Variants in RARB observed in about 807,000 individuals in gnomAD.
The protein encoded by RARB is HBV-activated protein.
RARB carries 17 observed loss-of-function variants against 51.9 expected under a neutral mutation model. The ratio of observed to expected loss-of-function variants is 0.33; its 90% CI spans 0.22 to 0.49. The LOEUF (loss-of-function observed/expected upper bound fraction) is 0.49, where lower values mean the gene tolerates loss of function less well. Among genes scored for constraint, RARB ranks in the 20% least tolerant of loss-of-function variants. The probability of loss-of-function intolerance (pLI) is 0.99; values close to 1 mark genes in which losing one functional copy is unlikely to be tolerated. For synonymous variants in RARB, 215 were observed against 195.4 expected (o/e 1.10, Z -0.84); for missense variants, 369 against 550.8 (o/e 0.67, Z 3.30).
intron 5 of RARB, among the ~76,000 whole-genome samples, chr3:25,397,261 AT>A (rs1446710160): frequency 1.3e-5 from 2 of 151,960 alleles, no homozygotes; most frequent in African/African-American, 4.8e-5. Context: ...GGCTCTCTAA[AT>A]TTGTTTGACT....
At chr3:25,427,837 CAGAA>C (rs765848140), upstream of RARB, among the ~76,000 whole-genome samples, 16 of 152,176 alleles carry the variant, frequency 1.1e-4, no homozygotes, top group South Asian at 4.2e-4. Flanking sequence ...ATTTAACAGA[CAGAA>C]AGGCGCACAG....
chr3:25,315,375 C>T (rs771031528), intron 5 of RARB, among the ~76,000 whole-genome samples: 52 of 152,126 alleles, frequency 3.4e-4, no homozygotes, highest in Non-Finnish European at 6.2e-4. Flanking sequence ...AAATACTATA[C>T]TTTTTCGAAT....
rs867589260 is a variant in RARB at position 24,925,654 on chromosome 3, T to A, written c.-380+66902T>A. ...GAGCCAGATCCTGTCTTTTTTTTTT[T>A]TAAAAAAAAAAAAAAAAAAGCTTAT... On this transcript the variant is annotated intron_variant, in intron 2 of 11. Transcript: ENST00000383772. 6.5e-3 allele frequency among the ~76,000 whole-genome samples: 815 copies of A among 126,098 alleles called. 5 individuals carry two copies. Among genetic ancestry groups the A allele is most frequent in the African/African-American group, 0.025 (673 of 27,390 alleles). 82.7% of individuals were successfully genotyped at this position (126,098 alleles called of 152,430 possible).
intron 5 of RARB, among the ~76,000 whole-genome samples, chr3:25,378,897 T>C (rs1399765462): frequency 6.6e-6 from 1 of 152,146 alleles, no homozygotes; most frequent in East Asian, 1.9e-4. Flanking sequence ...AACCTGCACA[T>C]AATATCAGAC....
intron 2 of RARB, among the ~76,000 whole-genome samples, chr3:25,009,591 C>T (rs576077822): frequency 6.6e-6 from 1 of 152,124 alleles, no homozygotes; most frequent in African/African-American, 2.4e-5. Context: ...ACAGGGAGTC[C>T]TCATTCATGC....
chr3:25,493,647 G>A (rs1206838832), intron 2 of RARB, among the ~76,000 whole-genome samples: 1 of 152,190 alleles, frequency 6.6e-6, no homozygotes, highest in African/African-American at 2.4e-5. Flanking sequence ...GCTCTAGAAG[G>A]AGAAATTATC....
At chr3:24,935,459 C>G (rs1695529883) in intron 2 of RARB, among the ~76,000 whole-genome samples, 1 of 152,022 alleles carries the variant, frequency 6.6e-6, no homozygotes, top group African/African-American at 2.4e-5. Flanking sequence ...TGTGTCTGAG[C>G]CTTCTTTTGT....
upstream of RARB, among the ~76,000 whole-genome samples, chr3:25,423,857 G>C (rs1057363021): frequency 2.6e-5 from 4 of 152,222 alleles, no homozygotes; most frequent in African/African-American, 9.6e-5. Flanking sequence ...CTAAGAGATG[G>C]TTCGCAGCTC....
intron 2 of RARB, among the ~76,000 whole-genome samples, chr3:24,989,774 C>CTTTGTTTTTTTTTTTTT (rs1696870156): frequency 3.4e-5 from 1 of 29,528 alleles, no homozygotes; most frequent in Non-Finnish European, 6.2e-5. Flanking sequence ...ATATGTTTTT[C>CTTTGTTTTTTTTTTTTT]TTTTTTTTTT....
chr3:24,907,206 G>A (rs1246892570), intron 2 of RARB, among the ~76,000 whole-genome samples: 2 of 152,166 alleles, frequency 1.3e-5, no homozygotes, highest in African/African-American at 2.4e-5. Context: ...GGCTGGAGTG[G>A]TAGTTATCAA....
chr3:25,147,517 T>C (rs565229161), intron 4 of RARB, among the ~76,000 whole-genome samples: 26 of 152,224 alleles, frequency 1.7e-4, no homozygotes, highest in African/African-American at 6.3e-4. Context: ...AAGTGTTATA[T>C]CTCATTTTCA....
At chr3:25,273,676 A>G (rs118046543) in intron 5 of RARB, among the ~76,000 whole-genome samples, 2,589 of 152,334 alleles carry the variant, frequency 0.017, 93 homozygotes, top group South Asian at 0.15. Context: ...TGCATGTTTC[A>G]TCACCAAAAC....
At chr3:25,356,163 A>T (rs1705728292) in intron 5 of RARB, among the ~76,000 whole-genome samples, 1 of 152,138 alleles carries the variant, frequency 6.6e-6, no homozygotes, top group African/African-American at 2.4e-5. Context: ...TTTGACAGAG[A>T]CATTCTGAAT....
chr3:25,466,520 A>G (rs572005592), intron 2 of RARB, among the ~76,000 whole-genome samples: 5 of 152,330 alleles, frequency 3.3e-5, no homozygotes, highest in African/African-American at 7.2e-5. Flanking sequence ...TCATTAAGTT[A>G]TTATAATGAC....
chr3:24,893,548 G>T (rs140491388), intron 2 of RARB, among the ~76,000 whole-genome samples: 99 of 152,240 alleles, frequency 6.5e-4, no homozygotes, highest in Non-Finnish European at 1.2e-3. Context: ...TAAAGACAGG[G>T]TCTTGCTTTG....
chr3:24,873,658 T>C (rs1048348400), intron 2 of RARB, among the ~76,000 whole-genome samples: 7 of 151,712 alleles, frequency 4.6e-5, no homozygotes, highest in African/African-American at 1.7e-4. Flanking sequence ...TATTTATCAG[T>C]CTTCCCTTTT....
At chr3:25,291,930 C>T (rs1703797736) in intron 5 of RARB, among the ~76,000 whole-genome samples, 1 of 152,084 alleles carries the variant, frequency 6.6e-6, no homozygotes, top group South Asian at 2.1e-4. Flanking sequence ...TAACCCAGGA[C>T]TTTAACTTTC....
At chr3:25,427,040 C>G (rs1322081254), upstream of RARB, among the ~76,000 whole-genome samples, 1 of 152,140 alleles carries the variant, frequency 6.6e-6, no homozygotes, top group Non-Finnish European at 1.5e-5. Context: ...CATACTTAAA[C>G]CAGTTTACAA....
At chr3:24,863,966 A>G (rs1025573937) in intron 2 of RARB, among the ~76,000 whole-genome samples, 1 of 152,056 alleles carries the variant, frequency 6.6e-6, no homozygotes, top group Middle Eastern at 3.2e-3. Flanking sequence ...CCCTATCTCA[A>G]TGTCCTGCCA....
Sources: gnomAD v4.1 joint callset for allele counts (sites outside exome capture counted in the v4.1 genomes callset) on GRCh38, gnomAD v4.1.1 for gene constraint, MANE v1.5 for transcripts, NCBI Gene and HGNC (gene_info 2026-07-23, HGNC 2026-07-21) for gene names.